Variants in ZNF600 observed in about 807,000 individuals in gnomAD.
ZNF600 encodes zinc finger protein 600.
A neutral mutation model predicts 7.3 loss-of-function variants in ZNF600; 4 were observed. That is an observed-to-expected ratio of 0.55 (90% CI 0.27 to 1.25). The LOEUF (loss-of-function observed/expected upper bound fraction) is 1.25. Among genes scored for constraint, ZNF600 ranks in the 50% most tolerant of loss-of-function variants. The probability of loss-of-function intolerance (pLI) is 0.12; values close to 1 mark genes in which losing one functional copy is unlikely to be tolerated. For missense variants in ZNF600, 911 were observed against 922.1 expected, an observed-to-expected ratio of 0.99 and a Z score of 0.16; for synonymous variants, 290 against 308.9, an observed-to-expected ratio of 0.94 and a Z score of 0.64.
At chr19:52,794,252 G>GT in the ZNF600 span, among the ~76,000 whole-genome samples, 78 of 152,206 alleles carry the variant, frequency 5.1e-4, no homozygotes, top group Middle Eastern at 6.8e-3. Context: ...GTATTTGTGG[G>GT]TTTTTTTACA....
chr19:52,805,636 A>G, the ZNF600 span: 1 of 146,286 alleles, frequency 6.8e-6, no homozygotes, highest in Non-Finnish European at 1.5e-5. Context: ...CAAAAATAAT[A>G]ATAATAAAAA....
At chr19:52,797,168 C>T in the ZNF600 span, among the ~76,000 whole-genome samples, 1 of 152,166 alleles carries the variant, frequency 6.6e-6, no homozygotes, top group African/African-American at 2.4e-5. Flanking sequence ...AAAAGCATTT[C>T]ACAAAATTCA....
chr19:52,817,975 T>C, the ZNF600 span: 6 of 1,610,616 alleles, frequency 3.7e-6, no homozygotes, highest in East Asian at 4.5e-5. Context: ...CTCCTTTGCT[T>C]TCCTCTTCCT....
At chr19:52,776,596 G>A (rs1207509837) in intron 2 of ZNF600, among the ~76,000 whole-genome samples, 4 of 152,030 alleles carry the variant, frequency 2.6e-5, no homozygotes, top group African/African-American at 9.7e-5. Context: ...ATATTTAGCA[G>A]AGACAGGGTT....
chr19:52,772,860 A>G (rs987142128), intron 3 of ZNF600, among the ~76,000 whole-genome samples: 2 of 130,262 alleles, frequency 1.5e-5, no homozygotes, highest in African/African-American at 9.3e-5. Flanking sequence ...CAAGGGGGAT[A>G]CAAGGACTGA....
At chr19:52,784,672 C>T (rs2062749743) in intron 1 of ZNF600, among the ~76,000 whole-genome samples, 1 of 152,208 alleles carries the variant, frequency 6.6e-6, no homozygotes, top group Admixed American at 6.5e-5. Flanking sequence ...CAGAAGTCAA[C>T]ATGTCACAAC....
exon 4 of ZNF600, chr19:52,765,516 T>G: frequency 6.2e-7 from 1 of 1,605,248 alleles, no homozygotes; most frequent in Non-Finnish European, 8.5e-7. Flanking sequence ...GTTAGATCTT[T>G]ATTCATTATA....
intron 1 of ZNF600, among the ~76,000 whole-genome samples, chr19:52,785,876 A>G (rs1391857966): frequency 6.6e-6 from 1 of 151,796 alleles, no homozygotes; most frequent in African/African-American, 2.4e-5. Context: ...CTGTACATCT[A>G]GCTTTTCTCT....
At chr19:52,803,554 AG>A in the ZNF600 span, among the ~76,000 whole-genome samples, 1 of 152,374 alleles carries the variant, frequency 6.6e-6, no homozygotes, top group Admixed American at 6.5e-5. Flanking sequence ...TTCCCTCTTA[AG>A]AAAAAAGCCA....
the ZNF600 span, among the ~76,000 whole-genome samples, chr19:52,794,121 C>T: frequency 1.3e-4 from 19 of 151,766 alleles, no homozygotes; most frequent in African/African-American, 4.6e-4. Flanking sequence ...GTGGAGAGGC[C>T]TGCAGGGGAC....
chr19:52,819,460 C>G, the ZNF600 span, among the ~76,000 whole-genome samples: 1 of 118,434 alleles, frequency 8.4e-6, no homozygotes, highest in Non-Finnish European at 1.8e-5. Flanking sequence ...ACTGGGCACT[C>G]CCCTCTACCA....
the ZNF600 span, among the ~76,000 whole-genome samples, chr19:52,823,047 A>G: frequency 6.6e-6 from 1 of 152,190 alleles, no homozygotes; most frequent in African/African-American, 2.4e-5. Flanking sequence ...CATAGGCTGC[A>G]GCAAATTGAT....
chr19:52,766,738 T>G (rs542754910), exon 4 of ZNF600: 6 of 1,613,814 alleles, frequency 3.7e-6, no homozygotes, highest in Non-Finnish European at 5.1e-6. Context: ...GAATTCCATG[T>G]GAAAGCTGTG....
chr19:52,782,880 T>TA (rs1182442491), intron 1 of ZNF600, among the ~76,000 whole-genome samples: 1 of 148,070 alleles, frequency 6.8e-6, no homozygotes, highest in African/African-American at 2.5e-5. Flanking sequence ...ATCTCAAAAA[T>TA]AAAAAATAAA....
chr19:52,783,288 T>C (rs867377104), intron 1 of ZNF600, among the ~76,000 whole-genome samples: 1 of 152,298 alleles, frequency 6.6e-6, no homozygotes, highest in Middle Eastern at 3.4e-3. Context: ...CATCATCACA[T>C]CCAATCAACT....
the ZNF600 span, among the ~76,000 whole-genome samples, chr19:52,812,513 A>G: frequency 4.8e-5 from 6 of 124,502 alleles, no homozygotes; most frequent in African/African-American, 1.0e-4. Context: ...ACTCAGGGTT[A>G]AATGGATTAA....
the ZNF600 span, chr19:52,801,312 T>C: frequency 6.2e-7 from 1 of 1,614,152 alleles, no homozygotes; most frequent in South Asian, 1.1e-5. Context: ...ACAAATTCTT[T>C]GGGATGTTGA....
At chr19:52,801,733 A>G in the ZNF600 span, 5 of 1,584,914 alleles carry the variant, frequency 3.2e-6, no homozygotes, top group Middle Eastern at 1.7e-4. Flanking sequence ...TAGGTTTCCA[A>G]TGAAGTACAG....
At chr19:52,784,267 T>A (rs1454696658) in intron 1 of ZNF600, among the ~76,000 whole-genome samples, 1 of 152,062 alleles carries the variant, frequency 6.6e-6, no homozygotes, top group Non-Finnish European at 1.5e-5. Context: ...CTAGCTGGGC[T>A]TGGTGTCTCA....
Sources: gnomAD v4.1 joint callset for allele counts (sites outside exome capture counted in the v4.1 genomes callset) on GRCh38, gnomAD v4.1.1 for gene constraint, MANE v1.5 for transcripts, NCBI Gene and HGNC (gene_info 2026-07-23, HGNC 2026-07-21) for gene names.